TECRL: variants seen among roughly 807,000 people sequenced by gnomAD.
TECRL encodes trans-2,3-enoyl-CoA reductase like.
Under a neutral mutation model 52.8 loss-of-function variants are expected in TECRL, and 63 were observed. That is an observed-to-expected ratio of 1.19 (90% CI 0.97 to 1.47). TECRL has a LOEUF of 1.47. TECRL is among the 40% of genes most tolerant of loss of function. The pLI, the probability that TECRL is intolerant of heterozygous loss-of-function variation, is 0.00. For synonymous variants in TECRL, 164 were observed against 141.9 expected (o/e 1.16, Z -1.10); for missense variants, 482 against 429.6 (o/e 1.12, Z -1.08).
intron 8 of TECRL, among the ~76,000 whole-genome samples, chr4:64,294,372 A>T (rs1358909606): frequency 6.6e-6 from 1 of 152,164 alleles, no homozygotes; most frequent in Non-Finnish European, 1.5e-5. Context: ...GACATTGCTA[A>T]AATGTTCCTA....
chr4:64,324,339 G>A (rs938434327), intron 3 of TECRL, among the ~76,000 whole-genome samples: 1 of 151,912 alleles, frequency 6.6e-6, no homozygotes, highest in Non-Finnish European at 1.5e-5. Context: ...AGAAAAATGA[G>A]TAGACTAGAG....
At chr4:64,381,618 T>C (rs1722800355) in intron 1 of TECRL, among the ~76,000 whole-genome samples, 1 of 152,102 alleles carries the variant, frequency 6.6e-6, no homozygotes, top group South Asian at 2.1e-4. Flanking sequence ...GTGCATTGTA[T>C]TAAATGTTTT....
chr4:64,348,474 G>C (rs900055710), intron 2 of TECRL, among the ~76,000 whole-genome samples: 6 of 152,110 alleles, frequency 3.9e-5, no homozygotes, highest in Non-Finnish European at 5.9e-5. Context: ...CATTCTTCCA[G>C]ATATTCTGGT....
At chr4:64,285,083 A>C (rs1723015276) in intron 9 of TECRL, among the ~76,000 whole-genome samples, 1 of 152,122 alleles carries the variant, frequency 6.6e-6, no homozygotes, top group Admixed American at 6.6e-5. Flanking sequence ...CCAGATCATA[A>C]ATAAATAATA....
intron 1 of TECRL, among the ~76,000 whole-genome samples, chr4:64,395,031 A>G (rs1374208999): frequency 2.0e-5 from 3 of 150,132 alleles, no homozygotes; most frequent in Admixed American, 6.7e-5. Flanking sequence ...TTCTGCCTCA[A>G]CCTCCTGAGT....
chr4:64,350,395 A>G (rs2109569766), intron 2 of TECRL, among the ~76,000 whole-genome samples: 1 of 152,314 alleles, frequency 6.6e-6, no homozygotes, highest in South Asian at 2.1e-4. Context: ...AAATTACATA[A>G]CTAGGTGTGA....
At chr4:64,303,925 G>A (rs1004830479) in intron 7 of TECRL, among the ~76,000 whole-genome samples, 8 of 151,752 alleles carry the variant, frequency 5.3e-5, no homozygotes, top group Non-Finnish European at 1.2e-4. Context: ...TGTATCTTAT[G>A]CATTTAAAGA....
At chr4:64,363,984 T>C (rs1196371411) in intron 2 of TECRL, among the ~76,000 whole-genome samples, 1 of 152,074 alleles carries the variant, frequency 6.6e-6, no homozygotes, top group Non-Finnish European at 1.5e-5. Context: ...ACACCACACG[T>C]AATCTAAGAT....
intron 2 of TECRL, among the ~76,000 whole-genome samples, chr4:64,358,084 C>T (rs939389571): frequency 1.4e-4 from 17 of 122,190 alleles, no homozygotes; most frequent in African/African-American, 4.3e-4. Context: ...CTGTGAATAT[C>T]CAGTATTATT....
At chr4:64,334,043 A>AAAAAAAAAAAAAAAAAAAG (rs1560507040) in intron 2 of TECRL, among the ~76,000 whole-genome samples, 1 of 143,678 alleles carries the variant, frequency 7.0e-6, no homozygotes, top group East Asian at 2.0e-4. Context: ...AAAAAAAAAA[A>AAAAAAAAAAAAAAAAAAAG]AAAAAAGAAA....
intron 1 of TECRL, among the ~76,000 whole-genome samples, chr4:64,406,797 C>A (rs1180741179): frequency 6.6e-6 from 1 of 151,904 alleles, no homozygotes; most frequent in Non-Finnish European, 1.5e-5. Flanking sequence ...AATTGTACCA[C>A]TTTACAGCAT....
chr4:64,364,488 A>T (rs1721454646), intron 2 of TECRL, among the ~76,000 whole-genome samples: 1 of 152,064 alleles, frequency 6.6e-6, no homozygotes, highest in South Asian at 2.1e-4. Context: ...TTTTAAAATA[A>T]TAAATAAGAT....
At chr4:64,360,311 C>A (rs907337755) in intron 2 of TECRL, among the ~76,000 whole-genome samples, 1 of 151,970 alleles carries the variant, frequency 6.6e-6, no homozygotes, top group Non-Finnish European at 1.5e-5. Context: ...ATTTTATCTG[C>A]AATTTTAAAG....
intron 1 of TECRL, among the ~76,000 whole-genome samples, chr4:64,378,076 A>G (rs1021667999): frequency 2.0e-5 from 3 of 152,150 alleles, no homozygotes; most frequent in African/African-American, 7.2e-5. Context: ...TAAAAGATGA[A>G]CTGATATAAA....
At chr4:64,284,235 T>C (rs1722973760) in intron 9 of TECRL, among the ~76,000 whole-genome samples, 1 of 152,026 alleles carries the variant, frequency 6.6e-6, no homozygotes, top group Non-Finnish European at 1.5e-5. Flanking sequence ...AACAAAGCAA[T>C]GGCCCACAAT....
At chr4:64,288,926 C>T (rs1050686605) in intron 9 of TECRL, among the ~76,000 whole-genome samples, 1 of 152,248 alleles carries the variant, frequency 6.6e-6, no homozygotes, top group South Asian at 2.1e-4. Context: ...AAAGTTTTGC[C>T]TCATCCACCA....
intron 8 of TECRL, among the ~76,000 whole-genome samples, chr4:64,290,723 T>C (rs1233008976): frequency 6.6e-6 from 1 of 152,088 alleles, no homozygotes; most frequent in Non-Finnish European, 1.5e-5. Flanking sequence ...ACTTTCTAAA[T>C]TTTAGGAAAA....
At chr4:64,301,430 G>A (rs979099048) in intron 7 of TECRL, among the ~76,000 whole-genome samples, 1 of 151,110 alleles carries the variant, frequency 6.6e-6, no homozygotes, top group African/African-American at 2.4e-5. Flanking sequence ...ACTATTCAAT[G>A]TAACTTTACT....
At chr4:64,382,226 TATATATATAG>T (rs1333189634) in intron 1 of TECRL, among the ~76,000 whole-genome samples, 47 of 2,976 alleles carry the variant, frequency 0.016, no homozygotes, top group Admixed American at 0.022. Flanking sequence ...TATATATATA[TATATATATAG>T]TATTATGTAT....
Sources: allele counts gnomAD v4.1 joint callset (sites outside exome capture counted in the v4.1 genomes callset), GRCh38; gene constraint gnomAD v4.1.1; transcripts MANE v1.5; gene names NCBI Gene and HGNC (gene_info 2026-07-23, HGNC 2026-07-21).